The following USP17L1 variants were observed in gnomAD, a reference collection of about 807,000 sequenced individuals.
USP17L1 encodes ubiquitin specific peptidase 17 like family member 1, also known as ubiquitin carboxyl-terminal hydrolase 17-like protein 1.
In USP17L1, 42 loss-of-function variants were observed where a neutral mutation model predicts 31.4. That is an observed-to-expected ratio of 1.34 (90% CI 1.05 to 1.73). The LOEUF is 1.73. Among genes scored for constraint, USP17L1 ranks in the 40% most tolerant of loss-of-function variants. The pLI is 0.00. For missense variants in USP17L1, 576 were observed against 495.8 expected, an observed-to-expected ratio of 1.16 and a Z score of -1.54; for synonymous variants, 230 against 194.4, an observed-to-expected ratio of 1.18 and a Z score of -1.52.
In USP17L1 at chr8:7,332,486, C is replaced by T. The variant is rs1482785944; in HGVS notation, c.100C>T (p.Arg34Trp). 2.1e-5 allele frequency: 11 copies of T among 532,820 alleles called. No homozygotes were observed. Among genetic ancestry groups the T allele is most frequent in the East Asian group, 1.5e-4 (5 of 33,940 alleles). The allele number at this position is 532,820 out of a possible 1,614,324, so 33.0% of individuals were successfully genotyped here. A position where few individuals can be genotyped will look rare whatever the true frequency, so the allele number is the denominator to read the frequency against. Reference protein sequence around the residue: ...RPDAAFAEIQRTSLPEKSPLS... With the variant: ...RPDAAFAEIQWTSLPEKSPLS... ...AGATGCAGCTTTTGCTGAAATCCAGCGGACTTCTCTCCCTGAGAAGTCACC... is the reference window on the plus strand; with the variant it reads ...AGATGCAGCTTTTGCTGAAATCCAGTGGACTTCTCTCCCTGAGAAGTCACC... The change falls in exon 1 of 1, where the codon CGG (arginine) becomes TGG (tryptophan). Residue 34 changes from arginine to tryptophan, a missense_variant. Arg to Trp is a moderately radical substitution (Grantham distance 101, BLOSUM62 -3). Coordinates refer to ENST00000529559, the MANE Select transcript of USP17L1 (RefSeq NM_001256873.1).
chr8:7,332,906 A>G lies in USP17L1; in HGVS notation c.520A>G (p.Lys174Glu). The G allele has an allele frequency of 6.6e-7, 1 of 1,513,482 alleles. No homozygotes were observed. Among genetic ancestry groups the G allele is most frequent in the Non-Finnish European group, 8.8e-7 (1 of 1,132,020 alleles). The allele number at this position is 1,513,482 out of a possible 1,614,324, so 93.8% of individuals were successfully genotyped here. A position where few individuals can be genotyped will look rare whatever the true frequency, so the allele number is the denominator to read the frequency against. The stretch of plus-strand genomic sequence containing the variant: ...CATGTTCACTGTGGATGCCATGAAA[A>G]AGGCATGCCTTCCCGGCCACAAGCA... ...FLMFTVDAMK[K>E]ACLPGHKQVD... Residue 174 changes from lysine (K) to glutamate (E), a missense_variant, in exon 1 of 1, where the codon AAG becomes GAG. Lys to Glu is a moderately conservative substitution (Grantham distance 56). Transcript: ENST00000529559.
chr8:7,333,554 G>A lies in USP17L1; in HGVS notation c.1168G>A (p.Glu390Lys), dbSNP rs781551530. 2 of 1,471,312 alleles carry A rather than the reference G, an allele frequency of 1.4e-6. No individual in the cohort carries two copies. Among genetic ancestry groups the A allele is most frequent in the Non-Finnish European group, 1.8e-6 (2 of 1,081,280 alleles). The allele number at this position is 1,471,312 out of a possible 1,614,324, so 91.1% of individuals were successfully genotyped here. A position where few individuals can be genotyped will look rare whatever the true frequency, so the allele number is the denominator to read the frequency against. ...RHSESVSRGR[E>K]PRALGAEDTD... is the part of the protein sequence containing the mutation. The stretch of plus-strand genomic sequence containing the variant: ...CAGTGAGAGTGTGTCAAGAGGCAGG[G>A]AACCAAGAGCCCTCGGCGCTGAAGA... The change falls in exon 1 of 1, where the codon GAA (glutamate) becomes AAA (lysine). Residue 390 changes from glutamate to lysine, a missense_variant. Transcript: ENST00000529559.
rs1804168196 is a variant in USP17L1, at chr8:7,333,332, G to C, written c.946G>C (p.Val316Leu). ...YMSQQNTGPLVYVLYAVLVHA... is the reference protein window; with the variant it reads ...YMSQQNTGPLLYVLYAVLVHA... ...GTCTCAGCAGAACACAGGACCTCTT[G>C]TCTATGTCCTCTATGCTGTGCTGGT... Residue 316 changes from valine (V) to leucine (L), a missense_variant, in exon 1 of 1, where the codon GTC becomes CTC. Physicochemically the swap from Val to Leu is conservative, Grantham distance 32 (BLOSUM62 1). Transcript: ENST00000529559. 1.3e-6 allele frequency: 2 copies of C among 1,504,272 alleles called. No individual in the cohort carries two copies. 93.2% of individuals were successfully genotyped at this position (1,504,272 alleles called of 1,614,324 possible). A position where few individuals can be genotyped will look rare whatever the true frequency, so the allele number is the denominator to read the frequency against.
At position 7,333,261 on chromosome 8, in the gene USP17L1, C is replaced by A. The variant is rs753852062; in HGVS notation, c.875C>A (p.Ala292Asp). 15 of 1,017,454 alleles carry A rather than the reference C, an allele frequency of 1.5e-5. No individual in the cohort carries two copies. The South Asian group carries it at 1.9e-4, about 13-fold the overall frequency. 63.0% of individuals were successfully genotyped at this position (1,017,454 alleles called of 1,614,324 possible). The change falls in exon 1 of 1, where the codon GCC becomes GAC. Residue 292 changes from alanine (A) to aspartate (D), a missense_variant. Ala to Asp is a moderately radical substitution (Grantham distance 126). Coordinates refer to ENST00000529559, the MANE Select transcript of USP17L1 (RefSeq NM_001256873.1). ...RFSDVAGNKL[A>D]KNVQYPECLD... is the part of the protein sequence containing the mutation. Reference sequence around the variant, plus strand: ...TCCGATGTCGCAGGCAACAAACTTGCCAAGAATGTGCAATATCCTGAGTGC... The same window carrying A: ...TCCGATGTCGCAGGCAACAAACTTGACAAGAATGTGCAATATCCTGAGTGC...
chr8:7,333,952 C>G lies in USP17L1; in HGVS notation c.1566C>G (p.Ser522Arg), dbSNP rs1335121983. ...TRRAKGKNKHSKRALLVCQ is the reference protein window; with the variant it reads ...TRRAKGKNKHRKRALLVCQ Reference sequence around the variant, plus strand: ...GAGCCAAAGGGAAGAACAAACACAGCAAGAGGGCTCTGCTTGTGTGCCAGT... The same window carrying G: ...GAGCCAAAGGGAAGAACAAACACAGGAAGAGGGCTCTGCTTGTGTGCCAGT... Residue 522 changes from serine to arginine, a missense_variant, in exon 1 of 1, where the codon AGC becomes AGG. By Grantham distance (110) the Ser-to-Arg change is moderately radical. Coordinates refer to ENST00000529559, the MANE Select transcript of USP17L1 (RefSeq NM_001256873.1). 2.5e-6 allele frequency: 4 copies of G among 1,582,136 alleles called. No individual in the cohort carries two copies. The highest frequency in any genetic ancestry group is 1.1e-5 in the South Asian group (1 of 89,900).
chr8:7,333,327 C>A lies in USP17L1; in HGVS notation c.941C>A (p.Pro314His). ...TACATGTCTCAGCAGAACACAGGAC[C>A]TCTTGTCTATGTCCTCTATGCTGTG... The part of the protein sequence containing the change: ...QPYMSQQNTG[P>H]LVYVLYAVLV... Residue 314 changes from proline to histidine, a missense_variant, in exon 1 of 1, where the codon CCT becomes CAT. Coordinates refer to ENST00000529559, the MANE Select transcript of USP17L1 (RefSeq NM_001256873.1). 1.4e-6 allele frequency: 2 copies of A among 1,465,104 alleles called. No individual in the cohort carries two copies. The highest frequency in any genetic ancestry group is 1.9e-6 in the Non-Finnish European group (2 of 1,079,864). The allele number at this position is 1,465,104 out of a possible 1,614,324, so 90.8% of individuals were successfully genotyped here.
In USP17L1 at chr8:7,332,490, C is replaced by T; in HGVS notation, c.104C>T (p.Thr35Ile). 1.9e-6 allele frequency: 1 copy of T among 530,514 alleles called. No homozygotes were observed. Among genetic ancestry groups the T allele is most frequent in the Non-Finnish European group, 3.1e-6 (1 of 317,904 alleles). The allele number at this position is 530,514 out of a possible 1,614,324, so 32.9% of individuals were successfully genotyped here. ...PDAAFAEIQRTSLPEKSPLSS... is the reference protein window; with the variant it reads ...PDAAFAEIQRISLPEKSPLSS... The stretch of plus-strand genomic sequence containing the variant: ...GCAGCTTTTGCTGAAATCCAGCGGA[C>T]TTCTCTCCCTGAGAAGTCACCACTC... Residue 35 changes from threonine (T) to isoleucine (I), a missense_variant, in exon 1 of 1, where the codon ACT (threonine) becomes ATT (isoleucine). Transcript: ENST00000529559.
At position 7,333,950 on chromosome 8, in the gene USP17L1, A is replaced by T. The variant is rs1804254284; in HGVS notation, c.1564A>T (p.Ser522Cys). The T allele has an allele frequency of 6.3e-7, 1 of 1,581,660 alleles. No individual in the cohort carries two copies. The highest frequency in any genetic ancestry group is 1.1e-5 in the South Asian group (1 of 89,880). The change falls in exon 1 of 1, where the codon AGC (serine) becomes TGC (cysteine). Residue 522 changes from serine to cysteine, a missense_variant. Ser to Cys is a moderately radical substitution (Grantham distance 112). Coordinates refer to ENST00000529559, the MANE Select transcript of USP17L1 (RefSeq NM_001256873.1). Reference sequence around the variant, plus strand: ...GAGAGCCAAAGGGAAGAACAAACACAGCAAGAGGGCTCTGCTTGTGTGCCA... The same window carrying T: ...GAGAGCCAAAGGGAAGAACAAACACTGCAAGAGGGCTCTGCTTGTGTGCCA... ...TRRAKGKNKH[S>C]KRALLVCQ
At position 7,332,987 on chromosome 8, in the gene USP17L1, T is replaced by C. The variant is rs772183932; in HGVS notation, c.601T>C (p.Trp201Arg). 1.6e-5 allele frequency: 25 copies of C among 1,524,402 alleles called. 3 individuals carry two copies. Among genetic ancestry groups the C allele is most frequent in the Non-Finnish European group, 2.1e-5 (24 of 1,142,882 alleles). The allele number at this position is 1,524,402 out of a possible 1,614,324, so 94.4% of individuals were successfully genotyped here. ...CATCCACCAAATATTTGGAGGCTGC[T>C]GGAGATCTCAAATCAAGTGTCTCCA... ...TLIHQIFGGC[W>R]RSQIKCLHCH... The change falls in exon 1 of 1, where the codon TGG becomes CGG. Residue 201 changes from tryptophan (W) to arginine (R), a missense_variant. Physicochemically the swap from Trp to Arg is moderately radical, Grantham distance 101 (BLOSUM62 -3). Coordinates refer to ENST00000529559, the MANE Select transcript of USP17L1 (RefSeq NM_001256873.1).
Position 7,333,923 on chromosome 8 carries a change from A to G in USP17L1, c.1537A>G (p.Arg513Gly), listed in dbSNP as rs1262128779. Residue 513 changes from arginine (R) to glycine (G), a missense_variant, in exon 1 of 1, where the codon AGG (arginine) becomes GGG (glycine). Physicochemically the swap from Arg to Gly is moderately radical, Grantham distance 125. Coordinates refer to ENST00000529559, the MANE Select transcript of USP17L1 (RefSeq NM_001256873.1). ...ACTCGCTTCTCTGCAAGGGAGGACC[A>G]GGAGAGCCAAAGGGAAGAACAAACA... Reference protein sequence around the residue: ...GTLASLQGRTRRAKGKNKHSK... With the variant: ...GTLASLQGRTGRAKGKNKHSK... 4.5e-6 allele frequency: 7 copies of G among 1,552,190 alleles called. No individual in the cohort carries two copies. Among genetic ancestry groups the G allele is most frequent in the Non-Finnish European group, 6.1e-6 (7 of 1,150,644 alleles).
chr8:7,333,843 T>G lies in USP17L1; in HGVS notation c.1457T>G (p.Leu486Arg). The change falls in exon 1 of 1, where the codon CTG becomes CGG. Residue 486 changes from leucine (L) to arginine (R), a missense_variant. Transcript: ENST00000529559. Reference protein sequence around the residue: ...KNHHPEQQSSLLNLSSTTRTD... With the variant: ...KNHHPEQQSSRLNLSSTTRTD... ...CATCATCCTGAACAGCAAAGCTCCC[T>G]GCTAAACCTCTCTTCGACGACCCGG... 1 of 1,452,468 alleles carries G rather than the reference T, an allele frequency of 6.9e-7. No homozygotes were observed. The highest frequency in any genetic ancestry group is 1.2e-5 in the South Asian group (1 of 85,814). The allele number at this position is 1,452,468 out of a possible 1,614,324, so 90.0% of individuals were successfully genotyped here. A position where few individuals can be genotyped will look rare whatever the true frequency, so the allele number is the denominator to read the frequency against.
Position 7,333,379 on chromosome 8 carries a change from C to G in USP17L1, c.993C>G (p.His331Gln), listed in dbSNP as rs374439010. The change falls in exon 1 of 1, where the codon CAC becomes CAG. Residue 331 changes from histidine to glutamine, a missense_variant. His to Gln is a conservative substitution (Grantham distance 24, BLOSUM62 0). Transcript: ENST00000529559. ...TGGTCCACGCTGGGTGGAGTTGTCA[C>G]GACGGACATTACTTCTCCTATGTCA... ...AVLVHAGWSCHDGHYFSYVKA... is the reference protein window; with the variant it reads ...AVLVHAGWSCQDGHYFSYVKA... 5 of 1,571,142 alleles carry G rather than the reference C, an allele frequency of 3.2e-6. 1 individual carries two copies. Among genetic ancestry groups the G allele is most frequent in the Non-Finnish European group, 4.3e-6 (5 of 1,169,748 alleles).
In USP17L1 at chr8:7,333,196, C is replaced by A. The variant is rs1477677992; in HGVS notation, c.810C>A (p.His270Gln). 1.2e-6 allele frequency: 1 copy of A among 840,858 alleles called. No individual in the cohort carries two copies. The highest frequency in any genetic ancestry group is 3.3e-5 in the African/African-American group (1 of 30,724). The allele number at this position is 840,858 out of a possible 1,614,324, so 52.1% of individuals were successfully genotyped here. A position where few individuals can be genotyped will look rare whatever the true frequency, so the allele number is the denominator to read the frequency against. The change falls in exon 1 of 1, where the codon CAC becomes CAA. Residue 270 changes from histidine to glutamine, a missense_variant. Physicochemically the swap from His to Gln is conservative, Grantham distance 24 (BLOSUM62 0). Transcript: ENST00000529559. The part of the protein sequence containing the change: ...RAPASNTLTL[H>Q]TSAKVLILVL... ...CGGCCTCCAACACGTTAACTTTACA[C>A]ACTTCTGCCAAGGTCCTCATCCTTG...
chr8:7,333,724 G>A lies in USP17L1; in HGVS notation c.1338G>A (p.Thr446=), dbSNP rs1431445911. 6 of 1,586,074 alleles carry A rather than the reference G, an allele frequency of 3.8e-6. No individual in the cohort carries two copies. The highest frequency in any genetic ancestry group is 2.2e-5 in the South Asian group (2 of 89,994). ...HWKFLQEQNK[T]KPEFNVGKVE... is the part of the protein sequence containing the mutation. ...AATTCCTGCAAGAGCAAAACAAAAC[G>A]AAGCCTGAGTTCAACGTCGGAAAAG... Residue 446 remains threonine (T), a synonymous_variant, in exon 1 of 1, where the codon ACG becomes ACA. Transcript: ENST00000529559.
Position 7,333,739 on chromosome 8 carries a change from C to G in USP17L1, c.1353C>G (p.Asn451Lys), listed in dbSNP as rs569138630. ...AAAACAAAACGAAGCCTGAGTTCAA[C>G]GTCGGAAAAGTCGAAGGTACCCTGC... The part of the protein sequence containing the change: ...QEQNKTKPEF[N>K]VGKVEGTLPP... Residue 451 changes from asparagine (N) to lysine (K), a missense_variant, in exon 1 of 1, where the codon AAC (asparagine) becomes AAG (lysine). Asn to Lys is a moderately conservative substitution (Grantham distance 94). Transcript: ENST00000529559. The G allele has an allele frequency of 5.0e-6, 8 of 1,584,378 alleles. 1 individual carries two copies. Among genetic ancestry groups the G allele is most frequent in the Admixed American group, 3.4e-5 (2 of 59,214 alleles).
At position 7,332,958 on chromosome 8, in the gene USP17L1, C is replaced by T. The variant is rs780329514; in HGVS notation, c.572C>T (p.Thr191Ile). 7.7e-6 allele frequency: 12 copies of T among 1,558,894 alleles called. No individual in the cohort carries two copies. Among genetic ancestry groups the T allele is most frequent in the Admixed American group, 1.7e-5 (1 of 58,820 alleles). The change falls in exon 1 of 1, where the codon ACC becomes ATC. Residue 191 changes from threonine to isoleucine, a missense_variant. Thr to Ile is a moderately conservative substitution (Grantham distance 89, BLOSUM62 -1). Transcript: ENST00000529559. The stretch of plus-strand genomic sequence containing the variant: ...GTAGATCATCACTGCAAGGACACCA[C>T]CCTCATCCACCAAATATTTGGAGGC... ...KQVDHHCKDT[T>I]LIHQIFGGCW...
In USP17L1 at chr8:7,333,965, C is replaced by G. The variant is rs776726062; in HGVS notation, c.1579C>G (p.Leu527Val). The change falls in exon 1 of 1, where the codon CTT becomes GTT. Residue 527 changes from leucine to valine, a missense_variant. By Grantham distance (32) the Leu-to-Val change is conservative (BLOSUM62 1). Coordinates refer to ENST00000529559, the MANE Select transcript of USP17L1 (RefSeq NM_001256873.1). The part of the protein sequence containing the change: ...GKNKHSKRAL[L>V]VCQ ...GAACAAACACAGCAAGAGGGCTCTG[C>G]TTGTGTGCCAGTGATCTCAGTGGAA... 6.3e-7 allele frequency: 1 copy of G among 1,582,932 alleles called. No homozygotes were observed. Among genetic ancestry groups the G allele is most frequent in the Non-Finnish European group, 8.5e-7 (1 of 1,175,112 alleles).
At position 7,333,943 on chromosome 8, in the gene USP17L1, C is replaced by A. The variant is rs754328396; in HGVS notation, c.1557C>A (p.Asn519Lys). The A allele has an allele frequency of 3.3e-4, 517 of 1,580,150 alleles. 25 individuals are homozygous for A. The highest frequency in any genetic ancestry group is 4.2e-4 in the Non-Finnish European group (498 of 1,173,428). The change falls in exon 1 of 1, where the codon AAC (asparagine) becomes AAA (lysine). Residue 519 changes from asparagine (N) to lysine (K), a missense_variant. Transcript: ENST00000529559. The stretch of plus-strand genomic sequence containing the variant: ...GGACCAGGAGAGCCAAAGGGAAGAA[C>A]AAACACAGCAAGAGGGCTCTGCTTG... The part of the protein sequence containing the change: ...QGRTRRAKGK[N>K]KHSKRALLVC...
In USP17L1 at chr8:7,333,053, A is replaced by G. The variant is rs370392210; in HGVS notation, c.667A>G (p.Ile223Val). Residue 223 changes from isoleucine (I) to valine (V), a missense_variant, in exon 1 of 1, where the codon ATC becomes GTC. Ile to Val is a conservative substitution (Grantham distance 29). Coordinates refer to ENST00000529559, the MANE Select transcript of USP17L1 (RefSeq NM_001256873.1). ...AGACACTTTTGACCCTTACCTGGAC[A>G]TCGCCCTGGATATCCAGGCAGCTCA... Reference protein sequence around the residue: ...ISDTFDPYLDIALDIQAAQSV... With the variant: ...ISDTFDPYLDVALDIQAAQSV... 2 of 1,006,886 alleles carry G rather than the reference A, an allele frequency of 2.0e-6. 1 individual carries two copies. Among genetic ancestry groups the G allele is most frequent in the Non-Finnish European group, 2.9e-6 (2 of 696,564 alleles). The allele number at this position is 1,006,886 out of a possible 1,614,324, so 62.4% of individuals were successfully genotyped here. A position where few individuals can be genotyped will look rare whatever the true frequency, so the allele number is the denominator to read the frequency against.
Sources: gnomAD v4.1 joint callset for allele counts on GRCh38, gnomAD v4.1.1 for gene constraint, MANE v1.5 for transcripts, NCBI Gene and HGNC (gene_info 2026-07-23, HGNC 2026-07-21) for gene names.